The following GLI2 variants were observed in gnomAD, a reference collection of about 807,000 sequenced individuals.
GLI2 encodes transcription activator GLI2.
In GLI2, 22 loss-of-function variants were observed where a neutral mutation model predicts 78.9. The observed-to-expected ratio is 0.28, with a 90% confidence interval of 0.20 to 0.40. The LOEUF is 0.40. Ranked by LOEUF, GLI2 falls within the 10% of genes least tolerant of loss-of-function variation. GLI2 has a pLI of 1.00. For missense variants in GLI2, 2,097 were observed against 2,213.2 expected (o/e 0.95, Z 1.05); for synonymous variants, 974 against 963.7 (o/e 1.01, Z -0.20).
intron 2 of GLI2, 76 bp downstream of exon 2, chr2:120,797,544 G>A (rs1013371496): frequency 7.1e-7 from 1 of 1,408,902 alleles, no homozygotes; most frequent in African/African-American, 1.4e-5. Flanking sequence ...TTAGAGTGGT[G>A]GCCCATGTCG....
chr2:120,942,501 C>T (rs1680498765), intron 3 of GLI2, among the ~76,000 whole-genome samples: 1 of 152,202 alleles, frequency 6.6e-6, no homozygotes, highest in Admixed American at 6.5e-5. Flanking sequence ...ACTCAGGTAA[C>T]CCATAATCTC....
intron 2 of GLI2, among the ~76,000 whole-genome samples, chr2:120,860,167 C>A (rs78644418): frequency 2.0e-3 from 300 of 152,202 alleles, no homozygotes; most frequent in African/African-American, 6.5e-3. Context: ...TCATTAAGGT[C>A]CTCTAGGCAA....
At chr2:120,986,217 G>T in intron 12 of GLI2, 61 bp from the exon 13 acceptor site, 1 of 1,485,570 alleles carries the variant, frequency 6.7e-7, no homozygotes, top group East Asian at 2.3e-5. Flanking sequence ...AGGCCTAGAG[G>T]CAGGACCAGG....
At chr2:120,755,555 G>A (rs1231408195) in intron 1 of GLI2, among the ~76,000 whole-genome samples, 1 of 151,968 alleles carries the variant, frequency 6.6e-6, no homozygotes, top group Non-Finnish European at 1.5e-5. Flanking sequence ...TTTCCTAACA[G>A]TGTCTTTTGT....
intron 4 of GLI2, among the ~76,000 whole-genome samples, chr2:120,951,991 G>C (rs1006780706): frequency 3.9e-5 from 6 of 152,330 alleles, no homozygotes; most frequent in Middle Eastern, 3.4e-3. Flanking sequence ...ACCCCGGTGT[G>C]ACTAATTTCA....
rs769137473 is a variant in GLI2, at chr2:120,990,708, AGGGGTCAT to A, written c.*34_*41del. The A allele has an allele frequency of 1.3e-6, 2 of 1,574,326 alleles. No individual in the cohort carries two copies. The highest frequency in any genetic ancestry group is 8.7e-7 in the Non-Finnish European group (1 of 1,151,334). On this transcript the variant is annotated 3_prime_UTR_variant, in exon 14 of 14. Transcript: ENST00000361492. ...AGCGCCTGGTGCTGAGTGCACCCGG[AGGGGTCAT>A]CGCTGCCCAGAGCCTGGGGATTCCA... is the stretch of plus-strand genomic sequence containing the variant.
chr2:120,941,444 C>T (rs1396020760), intron 3 of GLI2, among the ~76,000 whole-genome samples: 2 of 152,126 alleles, frequency 1.3e-5, no homozygotes, highest in East Asian at 1.9e-4. Context: ...TCCAGAGGAG[C>T]GTTCTGGAGC....
chr2:120,897,088 C>G (rs770176337), intron 2 of GLI2, among the ~76,000 whole-genome samples: 1 of 152,222 alleles, frequency 6.6e-6, no homozygotes, highest in Non-Finnish European at 1.5e-5. Flanking sequence ...CATGGGGCTG[C>G]CTGCGGGCAC....
chr2:120,879,119 T>A (rs1688912441), intron 2 of GLI2, among the ~76,000 whole-genome samples: 1 of 152,148 alleles, frequency 6.6e-6, no homozygotes, highest in African/African-American at 2.4e-5. Context: ...CATTAGCTCA[T>A]GGATCTCGGT....
intron 2 of GLI2, among the ~76,000 whole-genome samples, chr2:120,835,701 A>C (rs1686578366): frequency 6.6e-6 from 1 of 151,836 alleles, no homozygotes; most frequent in South Asian, 2.1e-4. Flanking sequence ...ATCTGTTTTG[A>C]CCTTACATGT....
chr2:120,813,498 C>T (rs1222431975), intron 2 of GLI2, among the ~76,000 whole-genome samples: 2 of 152,162 alleles, frequency 1.3e-5, no homozygotes, highest in Non-Finnish European at 2.9e-5. Context: ...GAGCCAAGCT[C>T]CAGGTGTCGA....
At chr2:120,776,954 G>A (rs910380803) in intron 1 of GLI2, among the ~76,000 whole-genome samples, 2 of 152,228 alleles carry the variant, frequency 1.3e-5, no homozygotes, top group Non-Finnish European at 2.9e-5. Context: ...ACAGCTGGGA[G>A]CTCCTGTCTC....
At chr2:120,894,732 C>G (rs1305187337) in intron 2 of GLI2, among the ~76,000 whole-genome samples, 3 of 135,152 alleles carry the variant, frequency 2.2e-5, no homozygotes, top group Non-Finnish European at 3.0e-5. Context: ...GAGTTTTGCC[C>G]TTGTTGCCCA....
intron 2 of GLI2, among the ~76,000 whole-genome samples, chr2:120,861,316 T>A (rs1409402840): frequency 2.0e-5 from 3 of 152,188 alleles, no homozygotes; most frequent in African/African-American, 7.2e-5. Context: ...GAATATGAAA[T>A]AGCAGGTGTG....
At chr2:120,923,043 G>A (rs370124637) in intron 2 of GLI2, among the ~76,000 whole-genome samples, 244 of 151,820 alleles carry the variant, frequency 1.6e-3, no homozygotes, top group African/African-American at 5.4e-3. Context: ...CCACATGTAC[G>A]TACACACAGC....
At chr2:120,753,920 A>G (rs563185141) in intron 1 of GLI2, among the ~76,000 whole-genome samples, 3 of 151,940 alleles carry the variant, frequency 2.0e-5, no homozygotes, top group Admixed American at 1.3e-4. Flanking sequence ...CATCTCAAAA[A>G]AAAAAAAAAA....
chr2:120,735,914 G>A lies in GLI2; in HGVS notation c.-402G>A, dbSNP rs992221217. ...CGGCGCTTGCCAGCCGAGGCAGCAC[G>A]GCTCCGCGGACTTTTTTTCAAACTC... On this transcript the variant is annotated 5_prime_UTR_variant, in exon 1 of 14. Coordinates refer to ENST00000361492, the MANE Select transcript of GLI2 (RefSeq NM_001374353.1). Among the ~76,000 whole-genome samples the A allele has an allele frequency of 6.6e-6, 1 of 151,960 alleles. No homozygotes were observed. The highest frequency in any genetic ancestry group is 2.4e-5 in the African/African-American group (1 of 41,386).
chr2:120,806,014 T>A (rs1010446793), intron 2 of GLI2, among the ~76,000 whole-genome samples: 3 of 152,226 alleles, frequency 2.0e-5, no homozygotes, highest in Admixed American at 2.0e-4. Context: ...TGTGTTTTAA[T>A]GTGTTATTTA....
chr2:120,915,254 G>A (rs1006374415), intron 2 of GLI2, among the ~76,000 whole-genome samples: 4 of 152,198 alleles, frequency 2.6e-5, no homozygotes, highest in East Asian at 1.9e-4. Flanking sequence ...CAGAGGCCAC[G>A]GGTCCTGCTA....
Sources: allele counts gnomAD v4.1 joint callset (sites outside exome capture counted in the v4.1 genomes callset), GRCh38; gene constraint gnomAD v4.1.1; transcripts MANE v1.5; gene names NCBI Gene and HGNC (gene_info 2026-07-23, HGNC 2026-07-21).